The following HDAC9 variants were observed in gnomAD, a reference collection of about 807,000 sequenced individuals.
HDAC9 encodes the protein histone deacetylase 9, also known as MEF-2 interacting transcription repressor (MITR) protein.
In HDAC9, 41 loss-of-function variants were observed where a neutral mutation model predicts 139.4. The ratio of observed to expected loss-of-function variants is 0.29; its 90% CI spans 0.23 to 0.38. The LOEUF is 0.38. Among genes scored for constraint, HDAC9 ranks in the 10% least tolerant of loss-of-function variants. The pLI is 1.00. For missense variants in HDAC9, 1,147 were observed against 1,297.0 expected, an observed-to-expected ratio of 0.88 and a Z score of 1.78; for synonymous variants, 517 against 476.2, an observed-to-expected ratio of 1.09 and a Z score of -1.12.
At chr7:18,289,718 A>G (rs919217901), upstream of HDAC9, among the ~76,000 whole-genome samples, 2 of 152,150 alleles carry the variant, frequency 1.3e-5, no homozygotes, top group African/African-American at 2.4e-5. Context: ...AGTGTTTTAT[A>G]TGTTGAAATC....
At chr7:18,327,636 C>G (rs1164192947) in intron 1 of HDAC9, 1 of 151,768 alleles carries the variant, frequency 6.6e-6, no homozygotes, top group Non-Finnish European at 1.5e-5. Context: ...GTTTTTATAT[C>G]TGGCATAAAT....
chr7:18,382,936 C>T (rs1216129175), intron 1 of HDAC9, among the ~76,000 whole-genome samples: 1 of 152,104 alleles, frequency 6.6e-6, no homozygotes, highest in Non-Finnish European at 1.5e-5. Context: ...TACACACACA[C>T]ATATTTTCTT....
rs571072092 is a variant in HDAC9, at chr7:18,225,010, G to C, written c.25+62661G>C. 4.1e-4 allele frequency among the ~76,000 whole-genome samples: 62 copies of C among 152,088 alleles called. 1 individual carries two copies. In the South Asian group the frequency reaches 0.013, roughly 32 times the overall value. On this transcript the variant is annotated intron_variant, in intron 2 of 12. Transcript: ENST00000417496. ...TAGTAAAATGGACTGATACTTACAG[G>C]CATAGTTGGCTTAAAAAAAAACCCT...
At chr7:18,119,663 G>C (rs1056957587) in intron 1 of HDAC9, among the ~76,000 whole-genome samples, 3 of 152,168 alleles carry the variant, frequency 2.0e-5, no homozygotes, top group Admixed American at 2.0e-4. Context: ...AAATCTGACT[G>C]TCTAATTTGG....
At position 18,138,525 on chromosome 7, in the gene HDAC9, GAGGTGTGTGT is replaced by G. The variant is rs1317815460; in HGVS notation, c.-96-23703_-96-23694del. On this transcript the variant is annotated intron_variant, in intron 1 of 12. Coordinates refer to the HDAC9 transcript ENST00000417496. ...GGGAAGCTGTAGTGAGAGAGAGAGA[GAGGTGTGTGT>G]GTGTGTGTGTGTGTGTGTGTGTGTG... 2.7e-3 allele frequency among the ~76,000 whole-genome samples: 323 copies of G among 118,904 alleles called. 1 individual carries two copies. Among genetic ancestry groups the G allele is most frequent in the African/African-American group, 9.3e-3 (308 of 33,204 alleles). 78.0% of individuals were successfully genotyped at this position (118,904 alleles called of 152,430 possible).
chr7:18,323,934 T>G (rs796099316), intron 1 of HDAC9, among the ~76,000 whole-genome samples: 6 of 143,616 alleles, frequency 4.2e-5, no homozygotes, highest in African/African-American at 1.5e-4. Context: ...ATGGTTGTTT[T>G]GTTTTTTTTT....
chr7:18,548,873 C>T (rs571583136), intron 2 of HDAC9, among the ~76,000 whole-genome samples: 69 of 152,178 alleles, frequency 4.5e-4, no homozygotes, highest in Non-Finnish European at 8.5e-4. Flanking sequence ...TAAATTGGAG[C>T]GCTCATACAT....
intron 2 of HDAC9, among the ~76,000 whole-genome samples, chr7:18,274,154 A>G (rs558184438): frequency 6.6e-6 from 1 of 152,322 alleles, no homozygotes; most frequent in East Asian, 1.9e-4. Flanking sequence ...CATAATATTA[A>G]AAAAATAGAA....
chr7:18,698,799 A>AT (rs1166267074), intron 12 of HDAC9, among the ~76,000 whole-genome samples: 1 of 152,042 alleles, frequency 6.6e-6, no homozygotes, highest in Non-Finnish European at 1.5e-5. Flanking sequence ...TGATTTCTCT[A>AT]TTTTTTTCTT....
At chr7:18,978,353 C>G (rs780623544) in intron 25 of HDAC9, among the ~76,000 whole-genome samples, 2 of 152,108 alleles carry the variant, frequency 1.3e-5, no homozygotes, top group African/African-American at 4.8e-5. Context: ...ATGCTCCTGG[C>G]TAAGAACCAT....
chr7:18,634,883 C>T (rs1783412568), intron 8 of HDAC9, 141 bp downstream of exon 8: 3 of 559,254 alleles, frequency 5.4e-6, no homozygotes, highest in African/African-American at 3.8e-5. Flanking sequence ...ATATTGTAAA[C>T]CAATTGAAAA....
intron 1 of HDAC9, among the ~76,000 whole-genome samples, chr7:18,471,577 G>C (rs933774602): frequency 3.9e-5 from 6 of 152,130 alleles, no homozygotes; most frequent in African/African-American, 1.4e-4. Flanking sequence ...TAGGAAAATG[G>C]GTTAGGTGAA....
chr7:18,803,995 C>A (rs887077575), intron 17 of HDAC9, among the ~76,000 whole-genome samples: 8 of 152,088 alleles, frequency 5.3e-5, no homozygotes, highest in Non-Finnish European at 1.2e-4. Context: ...AATTAGGTTT[C>A]CTGCTGAAGA....
At chr7:18,583,986 G>T (rs1475833782) in intron 2 of HDAC9, among the ~76,000 whole-genome samples, 1 of 152,064 alleles carries the variant, frequency 6.6e-6, no homozygotes, top group East Asian at 1.9e-4. Flanking sequence ...ATTCTTGTGG[G>T]TAAGGGTCAT....
intron 21 of HDAC9, among the ~76,000 whole-genome samples, chr7:18,874,077 A>T (rs1799133451): frequency 6.6e-6 from 1 of 151,850 alleles, no homozygotes; most frequent in Non-Finnish European, 1.5e-5. Flanking sequence ...CCAAGTTCTC[A>T]CTAACTGGAG....
At chr7:18,113,561 G>A (rs1783770006) in intron 1 of HDAC9, among the ~76,000 whole-genome samples, 1 of 152,184 alleles carries the variant, frequency 6.6e-6, no homozygotes, top group African/African-American at 2.4e-5. Flanking sequence ...AAGGTAAAAT[G>A]TTATCCAGAC....
chr7:18,096,185 A>G (rs1268354364), intron 1 of HDAC9, among the ~76,000 whole-genome samples: 1 of 152,230 alleles, frequency 6.6e-6, no homozygotes, highest in Non-Finnish European at 1.5e-5. Context: ...TAGAAGCTAC[A>G]CAGAGATAGG....
In HDAC9 at chr7:18,591,588, C is replaced by G. The variant is rs1355941892; in HGVS notation, c.488C>G (p.Thr163Ser). ...CTGAGTAAATCAGCAACGAAAGACA[C>G]TCCAACTAATGGAAAAAATCATTCC... ...FLLSKSATKD[T>S]PTNGKNHSVS... Residue 163 changes from threonine (T) to serine (S), a missense_variant, in exon 5 of 26, where the codon ACT becomes AGT. Around this residue, in one of 7 missense-constraint regions of HDAC9, gnomAD observed 79 missense variants for 65.8 expected, o/e 1.20. Coordinates refer to ENST00000686413, the MANE Select transcript of HDAC9 (RefSeq NM_178425.4). 4 of 1,613,492 alleles carry G rather than the reference C, an allele frequency of 2.5e-6. No individual in the cohort carries two copies.
intron 24 of HDAC9, among the ~76,000 whole-genome samples, chr7:18,971,325 A>C (rs1285301764): frequency 6.6e-6 from 1 of 152,188 alleles, no homozygotes; most frequent in Non-Finnish European, 1.5e-5. Context: ...TCCAATTTTA[A>C]TGGAAAACTC....
Sources: allele counts gnomAD v4.1 joint callset (sites outside exome capture counted in the v4.1 genomes callset), GRCh38; gene constraint gnomAD v4.1.1; regional missense constraint gnomAD v4.1.1; transcripts MANE v1.5; gene names NCBI Gene and HGNC (gene_info 2026-07-23, HGNC 2026-07-21).